The following SYCP1 variants were observed in gnomAD, a reference collection of about 807,000 sequenced individuals.
SYCP1 encodes synaptonemal complex protein 1.
In SYCP1, 64 loss-of-function variants were observed where a neutral mutation model predicts 153.1. That is an observed-to-expected ratio of 0.42 (90% CI 0.34 to 0.51). The LOEUF is 0.51. SYCP1 is among the 20% of genes least tolerant of loss of function. The pLI, the probability that SYCP1 is intolerant of heterozygous loss-of-function variation, is 0.06. For synonymous variants in SYCP1, 384 were observed against 341.8 expected, an observed-to-expected ratio of 1.12 and a Z score of -1.36; for missense variants, 997 against 1,049.0, an observed-to-expected ratio of 0.95 and a Z score of 0.68.
At chr1:114,988,074 A>T (rs1673645542) in intron 30 of SYCP1, among the ~76,000 whole-genome samples, 1 of 111,764 alleles carries the variant, frequency 8.9e-6, no homozygotes, top group South Asian at 3.1e-4. Flanking sequence ...TGAGTCTGAT[A>T]AACGGCAAAA....
At chr1:114,974,139 T>C (rs185653604) in intron 27 of SYCP1, among the ~76,000 whole-genome samples, 20 of 152,026 alleles carry the variant, frequency 1.3e-4, no homozygotes, top group African/African-American at 4.6e-4. Context: ...CAAGAGTCTT[T>C]TTTTGACTAA....
intron 20 of SYCP1, among the ~76,000 whole-genome samples, chr1:114,922,143 C>T (rs360585): frequency 0.39 from 58,608 of 151,912 alleles, 12,528 homozygotes; most frequent in East Asian, 0.5. Flanking sequence ...ATTCTAATAA[C>T]CTTCTTGTCC....
intron 16 of SYCP1, among the ~76,000 whole-genome samples, chr1:114,902,270 A>T (rs1349151298): frequency 6.6e-6 from 1 of 152,228 alleles, no homozygotes; most frequent in African/African-American, 2.4e-5. Context: ...AAAAAGGCTT[A>T]GAAGCGAAAG....
intron 28 of SYCP1, among the ~76,000 whole-genome samples, chr1:114,979,233 C>G (rs1672994080): frequency 6.7e-6 from 1 of 150,214 alleles, no homozygotes; most frequent in Admixed American, 6.7e-5. Flanking sequence ...TACTTAACTT[C>G]TTCGTGTTTC....
intron 15 of SYCP1, among the ~76,000 whole-genome samples, chr1:114,891,163 GACTTACATCTTGGTTAA>G (rs1666678499): frequency 6.6e-6 from 1 of 151,906 alleles, no homozygotes; most frequent in African/African-American, 2.4e-5. Flanking sequence ...TATTTTCTTA[GACTTACATCTTGGTTAA>G]AGTGGTCTTC....
intron 20 of SYCP1, 24 bp downstream of exon 20, chr1:114,914,069 T>A (rs1668355320): frequency 6.7e-7 from 1 of 1,502,584 alleles, no homozygotes. Flanking sequence ...ATTGGCCTTT[T>A]TTTGTCTGGC....
At chr1:114,948,419 C>T (rs1014618992) in intron 27 of SYCP1, among the ~76,000 whole-genome samples, 3 of 152,168 alleles carry the variant, frequency 2.0e-5, no homozygotes, top group Admixed American at 2.0e-4. Context: ...TCTATTTTTG[C>T]ATGGCTTCAA....
At chr1:114,988,387 A>T (rs1331729777) in intron 30 of SYCP1, among the ~76,000 whole-genome samples, 1 of 152,016 alleles carries the variant, frequency 6.6e-6, no homozygotes. Context: ...CTGTTGGGAG[A>T]AAAAATGAAT....
At chr1:114,878,362 G>C (rs952728571) in intron 12 of SYCP1, among the ~76,000 whole-genome samples, 160 bp downstream of exon 12, 4 of 151,846 alleles carry the variant, frequency 2.6e-5, no homozygotes, top group African/African-American at 9.7e-5. Context: ...TTAACCTGGG[G>C]AGCTTTTGTA....
At chr1:114,911,639 TAATA>T in intron 18 of SYCP1, 57 bp downstream of exon 18, 2 of 768,992 alleles carry the variant, frequency 2.6e-6, no homozygotes, top group South Asian at 4.1e-5. Flanking sequence ...AGCTTTCTGA[TAATA>T]AATAATAATT....
intron 14 of SYCP1, 59 bp downstream of exon 14, chr1:114,886,368 A>G (rs1666306036): frequency 7.3e-7 from 1 of 1,366,374 alleles, no homozygotes; most frequent in African/African-American, 1.5e-5. Context: ...TTTACTTTTA[A>G]TATTCAATGC....
Position 114,858,583 on chromosome 1 carries a change from T to C in SYCP1, c.328T>C (p.Tyr110His). Residue 110 changes from tyrosine (Y) to histidine (H), a missense_variant, in exon 6 of 32, where the codon TAT (tyrosine) becomes CAT (histidine). Coordinates refer to ENST00000369522, the MANE Select transcript of SYCP1 (RefSeq NM_003176.4). ...ATTGAGCAGAGTGTATTCAAAACTGTATAAGGAGGCTGAAAAGATAAAAAA... is the reference window on the plus strand; with the variant it reads ...ATTGAGCAGAGTGTATTCAAAACTGCATAAGGAGGCTGAAAAGATAAAAAA... ...EGLSRVYSKL[Y>H]KEAEKIKKWK... The C allele has an allele frequency of 1.2e-6, 2 of 1,612,218 alleles. No homozygotes were observed. The highest frequency in any genetic ancestry group is 1.7e-6 in the Non-Finnish European group (2 of 1,179,022).
At chr1:114,932,669 T>C (rs892876525) in intron 23 of SYCP1, among the ~76,000 whole-genome samples, 3 of 152,200 alleles carry the variant, frequency 2.0e-5, no homozygotes, top group African/African-American at 7.2e-5. Flanking sequence ...AAGCCGTGAC[T>C]GATGGTACCA....
intron 4 of SYCP1, 38 bp from the exon 5 acceptor site, chr1:114,857,406 T>C: frequency 1.3e-6 from 2 of 1,558,876 alleles, no homozygotes; most frequent in Non-Finnish European, 1.7e-6. Context: ...GAAGCTCTTA[T>C]CAGAAGTATT....
At chr1:114,988,848 C>A (rs1411116092) in intron 30 of SYCP1, among the ~76,000 whole-genome samples, 1 of 151,874 alleles carries the variant, frequency 6.6e-6, no homozygotes, top group Non-Finnish European at 1.5e-5. Context: ...ATTTATGTTA[C>A]TAGGCGCACA....
intron 27 of SYCP1, among the ~76,000 whole-genome samples, chr1:114,957,420 A>G (rs1460942917): frequency 6.6e-6 from 1 of 152,264 alleles, no homozygotes; most frequent in Non-Finnish European, 1.5e-5. Context: ...AGCATAGGCA[A>G]TGAAAGCAAA....
chr1:114,982,698 GT>G (rs1486190986), intron 29 of SYCP1, among the ~76,000 whole-genome samples: 2 of 151,754 alleles, frequency 1.3e-5, no homozygotes, highest in African/African-American at 4.8e-5. Context: ...TCTTTGTCTA[GT>G]TAAGTCCAAT....
chr1:114,976,474 A>G (rs1008677482), intron 27 of SYCP1, among the ~76,000 whole-genome samples: 2 of 151,818 alleles, frequency 1.3e-5, no homozygotes, highest in African/African-American at 4.8e-5. Context: ...AACATATATT[A>G]TATTAGAAGA....
intron 27 of SYCP1, among the ~76,000 whole-genome samples, chr1:114,970,138 T>C (rs1157349940): frequency 2.0e-5 from 3 of 152,196 alleles, no homozygotes; most frequent in Non-Finnish European, 2.9e-5. Flanking sequence ...CTTTGTTGGA[T>C]TGGATTAATT....
Sources: allele counts gnomAD v4.1 joint callset (sites outside exome capture counted in the v4.1 genomes callset), GRCh38; gene constraint gnomAD v4.1.1; transcripts MANE v1.5; gene names NCBI Gene and HGNC (gene_info 2026-07-23, HGNC 2026-07-21).